Variants in AP2A2 observed in about 807,000 individuals in gnomAD.
The protein encoded by AP2A2 is AP-2 complex subunit alpha-2.
AP2A2 carries 32 observed loss-of-function variants against 104.2 expected under a neutral mutation model. The ratio of observed to expected loss-of-function variants is 0.31; its 90% CI spans 0.23 to 0.41. The LOEUF (loss-of-function observed/expected upper bound fraction) is 0.41. Ranked by LOEUF, AP2A2 falls within the 10% of genes least tolerant of loss-of-function variation. The pLI, the probability that AP2A2 is intolerant of heterozygous loss-of-function variation, is 1.00. For synonymous variants in AP2A2, 539 were observed against 533.3 expected (o/e 1.01, Z -0.15); for missense variants, 912 against 1,261.0 (o/e 0.72, Z 4.19).
chr11:983,422 G>A (rs566838529), intron 6 of AP2A2, among the ~76,000 whole-genome samples: 15 of 150,870 alleles, frequency 9.9e-5, no homozygotes, highest in East Asian at 5.9e-4. Flanking sequence ...TCACTCTGTC[G>A]CCCAGGCTGG....
chr11:928,500 G>A (rs1853188561), intron 1 of AP2A2, among the ~76,000 whole-genome samples: 2 of 152,214 alleles, frequency 1.3e-5, no homozygotes, highest in South Asian at 4.1e-4. Flanking sequence ...ATATAGACCA[G>A]ACTTTCTCCA....
At chr11:981,544 C>T (rs1855241908) in intron 6 of AP2A2, among the ~76,000 whole-genome samples, 2 of 152,204 alleles carry the variant, frequency 1.3e-5, no homozygotes, top group African/African-American at 2.4e-5. Flanking sequence ...CCCAGTGGCC[C>T]CGTGTCCCCC....
chr11:1,011,647 GGGGCCTTGC>G lies in AP2A2; in HGVS notation c.*1024_*1032del. The G allele has an allele frequency of 2.7e-6, 1 of 373,842 alleles. No individual in the cohort carries two copies. The highest frequency in any genetic ancestry group is 5.4e-6 in the Non-Finnish European group (1 of 186,666). 23.2% of individuals were successfully genotyped at this position (373,842 alleles called of 1,614,324 possible). A position where few individuals can be genotyped will look rare whatever the true frequency, so the allele number is the denominator to read the frequency against. On this transcript the variant is annotated 3_prime_UTR_variant, in exon 22 of 22. Transcript: ENST00000448903. ...TGGGGCCGGCCTAGGAGCCAAGGCT[GGGGCCTTGC>G]GCTCTGTCCCCAGGATGGTGGCCTT...
chr11:964,227 T>A (rs1432988072), intron 2 of AP2A2, among the ~76,000 whole-genome samples: 1 of 152,176 alleles, frequency 6.6e-6, no homozygotes, highest in Admixed American at 6.5e-5. Flanking sequence ...TTGGGAAGGT[T>A]ACAACCAGGG....
chr11:1,002,302 C>T (rs1856054491), intron 15 of AP2A2, among the ~76,000 whole-genome samples: 1 of 152,262 alleles, frequency 6.6e-6, no homozygotes, highest in African/African-American at 2.4e-5. Context: ...GCACGTGGAC[C>T]TCCGCCTCGG....
chr11:981,261 A>C lies in AP2A2; in HGVS notation c.667A>C (p.Lys223Gln). The C allele has an allele frequency of 6.2e-7, 1 of 1,613,672 alleles. No individual in the cohort carries two copies. The change falls in exon 6 of 22, where the codon AAA becomes CAA. Residue 223 changes from lysine (K) to glutamine (Q), a missense_variant. Around this residue, in one of 7 missense-constraint regions of AP2A2, gnomAD observed 350 missense variants for 487.0 expected, o/e 0.72. Transcript: ENST00000448903. Reference sequence around the variant, plus strand: ...AGCACAGAAGAACCCAGAAGAGTTTAAAACCTCCGTGTCTCTGGCTGTCTC... The same window carrying C: ...AGCACAGAAGAACCCAGAAGAGTTTCAAACCTCCGTGTCTCTGGCTGTCTC... ...TLAQKNPEEF[K>Q]TSVSLAVSRL... is the part of the protein sequence containing the mutation.
intron 16 of AP2A2, among the ~76,000 whole-genome samples, chr11:1,004,636 C>T (rs900961216): frequency 2.0e-5 from 3 of 149,876 alleles, no homozygotes; most frequent in Admixed American, 6.6e-5. Flanking sequence ...ATTAGGTAGA[C>T]GTGCTGGTGC....
At chr11:927,557 T>A (rs1279458932) in intron 1 of AP2A2, among the ~76,000 whole-genome samples, 1 of 149,848 alleles carries the variant, frequency 6.7e-6, no homozygotes, top group Non-Finnish European at 1.5e-5. Context: ...GGCTCAAACC[T>A]ATAGTCCCAG....
chr11:953,033 T>A (rs1231553020), intron 1 of AP2A2, among the ~76,000 whole-genome samples: 2 of 152,208 alleles, frequency 1.3e-5, no homozygotes, highest in African/African-American at 2.4e-5. Flanking sequence ...ACTGCAGGGG[T>A]GCTGCGTTGA....
At position 926,198 on chromosome 11, in the gene AP2A2, G is replaced by A. The variant is rs1047281034; in HGVS notation, c.67+110G>A. On this transcript the variant is annotated intron_variant, in intron 1 of 21. Coordinates refer to ENST00000448903, the MANE Select transcript of AP2A2 (RefSeq NM_012305.4). ...GAGGCGGGGGTGCAGGCTGGGATGCGGGCGGGGCCCGGGGCCTGAGGGTGC... is the reference window on the plus strand; with the variant it reads ...GAGGCGGGGGTGCAGGCTGGGATGCAGGCGGGGCCCGGGGCCTGAGGGTGC... 88 of 770,830 alleles carry A rather than the reference G, an allele frequency of 1.1e-4. No individual in the cohort carries two copies. In the African/African-American group the frequency reaches 1.5e-3, roughly 13 times the overall value. 47.7% of individuals were successfully genotyped at this position (770,830 alleles called of 1,614,324 possible).
chr11:954,678 ATG>A (rs1277082208), intron 1 of AP2A2, among the ~76,000 whole-genome samples: 1 of 151,716 alleles, frequency 6.6e-6, no homozygotes, highest in Non-Finnish European at 1.5e-5. Flanking sequence ...GTTTGTATAA[ATG>A]TGTATTCATG....
At chr11:1,003,531 G>C (rs1042474951) in intron 15 of AP2A2, 191 bp from the exon 16 acceptor site, 2 of 500,240 alleles carry the variant, frequency 4.0e-6, no homozygotes, top group Non-Finnish European at 3.5e-6. Context: ...GCGTCCCTGC[G>C]TCCTGCTCAC....
At chr11:967,529 T>C (rs539342610) in intron 2 of AP2A2, among the ~76,000 whole-genome samples, 1 of 151,822 alleles carries the variant, frequency 6.6e-6, no homozygotes, top group African/African-American at 2.4e-5. Context: ...GCCCGGCTTA[T>C]TTTTGTATTT....
chr11:928,881 T>A (rs34236224), intron 1 of AP2A2, among the ~76,000 whole-genome samples: 1 of 152,246 alleles, frequency 6.6e-6, no homozygotes, highest in South Asian at 2.1e-4. Context: ...CAGCTTGTGG[T>A]GCTGCTTTTC....
chr11:986,073 A>G (rs1855445442), intron 8 of AP2A2, among the ~76,000 whole-genome samples: 1 of 152,216 alleles, frequency 6.6e-6, no homozygotes, highest in African/African-American at 2.4e-5. Context: ...TTCTCTGCTC[A>G]GCAGTTGCGG....
At chr11:953,480 A>G (rs1050196665) in intron 1 of AP2A2, among the ~76,000 whole-genome samples, 1 of 151,318 alleles carries the variant, frequency 6.6e-6, no homozygotes, top group African/African-American at 2.4e-5. Context: ...GCGTATTTTT[A>G]TGTGAAATTA....
intron 2 of AP2A2, among the ~76,000 whole-genome samples, chr11:964,172 C>T (rs1418271114): frequency 5.9e-5 from 9 of 152,058 alleles, no homozygotes; most frequent in East Asian, 3.9e-4. Flanking sequence ...CCAGACTTGC[C>T]GCTGGGTGTC....
At chr11:985,009 A>G (rs944465771) in intron 7 of AP2A2, among the ~76,000 whole-genome samples, 79 of 152,272 alleles carry the variant, frequency 5.2e-4, no homozygotes, top group Admixed American at 5.9e-4. Context: ...TTTGAGATGG[A>G]GTCTCCCTTT....
chr11:930,081 A>AT (rs2134448560), intron 1 of AP2A2, among the ~76,000 whole-genome samples: 1 of 143,750 alleles, frequency 7.0e-6, no homozygotes, highest in East Asian at 2.1e-4. Flanking sequence ...AGATTGTGCC[A>AT]TTGCACTCCA....
Sources: gnomAD v4.1 joint callset for allele counts (sites outside exome capture counted in the v4.1 genomes callset) on GRCh38, gnomAD v4.1.1 for gene constraint, gnomAD v4.1.1 regional missense constraint, MANE v1.5 for transcripts, NCBI Gene and HGNC (gene_info 2026-07-23, HGNC 2026-07-21) for gene names.